Variants in SLC12A1 observed in about 807,000 individuals in gnomAD.
SLC12A1 encodes solute carrier family 12 member 1.
SLC12A1 carries 89 observed loss-of-function variants against 130.4 expected under a neutral mutation model. That is an observed-to-expected ratio of 0.68 (90% confidence interval 0.58 to 0.81). SLC12A1 has a LOEUF of 0.81. SLC12A1 is among the 40% of genes least tolerant of loss of function. The pLI is 0.00. For missense variants in SLC12A1, 1,310 were observed against 1,336.4 expected (o/e 0.98, Z 0.31); for synonymous variants, 499 against 460.0 (o/e 1.08, Z -1.09).
intron 23 of SLC12A1, among the ~76,000 whole-genome samples, chr15:48,290,875 G>C (rs2042112599): frequency 6.6e-6 from 1 of 151,816 alleles, no homozygotes. Flanking sequence ...TATTTTATTG[G>C]GACAATTAGT....
chr15:48,228,502 T>C (rs1484547), intron 5 of SLC12A1: 148,039 of 158,216 alleles, frequency 0.94, 69,754 homozygotes, highest in Non-Finnish European at 0.99. Flanking sequence ...TAATACATCA[T>C]ACTCTATAGA....
In SLC12A1 at chr15:48,242,140, A is replaced by G. The variant is rs749800771; in HGVS notation, c.1300+541A>G. 1.3e-5 allele frequency among the ~76,000 whole-genome samples: 2 copies of G among 152,302 alleles called. 1 individual carries two copies. Among genetic ancestry groups the G allele is most frequent in the Non-Finnish European group, 2.9e-5 (2 of 68,024 alleles). On this transcript the variant is annotated intron_variant, in intron 10 of 26. Transcript: ENST00000380993. ...CTGGCAGTGTAGGTGGCCAGCCCCT[A>G]CATTGTTCAGTGAACAGAAAATATG...
chr15:48,221,143 G>A (rs1374350490), intron 4 of SLC12A1, 147 bp downstream of exon 4: 4 of 817,724 alleles, frequency 4.9e-6, no homozygotes, highest in Admixed American at 4.2e-5. Flanking sequence ...CTTTGACGAT[G>A]TTTGTCAGAA....
At chr15:48,247,558 T>G in intron 13 of SLC12A1, 98 bp downstream of exon 13, 1 of 958,688 alleles carries the variant, frequency 1.0e-6, no homozygotes, top group Non-Finnish European at 1.5e-6. Flanking sequence ...GTTTTATGTT[T>G]AGGATCCCAT....
chr15:48,249,203 C>T (rs2141060978), intron 13 of SLC12A1, among the ~76,000 whole-genome samples: 1 of 152,204 alleles, frequency 6.6e-6, no homozygotes, highest in South Asian at 2.1e-4. Flanking sequence ...TGCTGTTTAA[C>T]TAATATCCTG....
intron 15 of SLC12A1, among the ~76,000 whole-genome samples, chr15:48,255,436 CAAAA>C (rs373793834): frequency 1.5e-4 from 13 of 89,302 alleles, no homozygotes; most frequent in African/African-American, 2.7e-4. Flanking sequence ...AACTCCATCT[CAAAA>C]AAAAAAAAAA....
At chr15:48,226,217 C>A (rs1037035551) in intron 4 of SLC12A1, 2 of 405,036 alleles carry the variant, frequency 4.9e-6, no homozygotes, top group African/African-American at 2.1e-5. Flanking sequence ...CCCAGGACAC[C>A]AGCATAAGTC....
At chr15:48,269,017 A>C (rs2041863075) in intron 18 of SLC12A1, among the ~76,000 whole-genome samples, 1 of 152,174 alleles carries the variant, frequency 6.6e-6, no homozygotes, top group Non-Finnish European at 1.5e-5. Flanking sequence ...GAACCATGGC[A>C]AAAGGACAAG....
intron 21 of SLC12A1, 112 bp from the exon 22 acceptor site, chr15:48,287,931 A>G: frequency 8.4e-7 from 1 of 1,190,488 alleles, no homozygotes; most frequent in Non-Finnish European, 1.1e-6. Context: ...TTTAGGTATA[A>G]TAAACATGAA....
At chr15:48,240,038 T>C (rs1233109263) in intron 9 of SLC12A1, among the ~76,000 whole-genome samples, 1 of 15,476 alleles carries the variant, frequency 6.5e-5, no homozygotes, top group Non-Finnish European at 6.2e-4. Context: ...TCCATATATA[T>C]ATATATATAT....
At chr15:48,241,679 G>C (rs1306885316) in intron 10 of SLC12A1, 80 bp downstream of exon 10, 4 of 951,942 alleles carry the variant, frequency 4.2e-6, no homozygotes, top group Non-Finnish European at 6.8e-6. Context: ...TTTCAATGCA[G>C]CATAAATACA....
At chr15:48,278,172 A>G (rs1407829456) in intron 20 of SLC12A1, among the ~76,000 whole-genome samples, 3 of 152,216 alleles carry the variant, frequency 2.0e-5, no homozygotes, top group Non-Finnish European at 2.9e-5. Context: ...TGAACCCGGG[A>G]GGCGGAGCTT....
chr15:48,268,250 TC>T (rs1482385010), intron 18 of SLC12A1, among the ~76,000 whole-genome samples: 2 of 152,144 alleles, frequency 1.3e-5, no homozygotes, highest in Non-Finnish European at 2.9e-5. Flanking sequence ...ACATCTTTTT[TC>T]CCTTATTTTT....
intron 16 of SLC12A1, among the ~76,000 whole-genome samples, chr15:48,257,495 A>G (rs1011625151): frequency 2.0e-5 from 3 of 152,174 alleles, no homozygotes. Flanking sequence ...ATATCCAGGC[A>G]TTTCCATACA....
intron 9 of SLC12A1, among the ~76,000 whole-genome samples, chr15:48,240,560 C>A (rs928643931): frequency 1.3e-5 from 2 of 152,104 alleles, no homozygotes; most frequent in Non-Finnish European, 2.9e-5. Context: ...TGGACTTTTT[C>A]AGCATATTTA....
chr15:48,249,208 A>ATCC (rs1254793603), intron 13 of SLC12A1, among the ~76,000 whole-genome samples: 1 of 152,126 alleles, frequency 6.6e-6, no homozygotes, highest in Non-Finnish European at 1.5e-5. Flanking sequence ...TTTAACTAAT[A>ATCC]TCCTGCAGAG....
chr15:48,277,524 C>T (rs1444150231), intron 20 of SLC12A1, among the ~76,000 whole-genome samples: 1 of 141,482 alleles, frequency 7.1e-6, no homozygotes, highest in African/African-American at 2.6e-5. Context: ...TGAGAAGAAA[C>T]TAGTAAGCAT....
chr15:48,245,593 C>G (rs1383514429), intron 11 of SLC12A1, among the ~76,000 whole-genome samples: 3 of 152,162 alleles, frequency 2.0e-5, no homozygotes, highest in Non-Finnish European at 4.4e-5. Context: ...CTGCAAAGGA[C>G]ACGATTTTAT....
intron 7 of SLC12A1, among the ~76,000 whole-genome samples, chr15:48,230,979 G>C (rs1268292020): frequency 1.3e-5 from 2 of 152,212 alleles, no homozygotes; most frequent in African/African-American, 2.4e-5. Context: ...AAATCTCTGA[G>C]TTTAACTAGT....
Sources: allele counts gnomAD v4.1 joint callset (sites outside exome capture counted in the v4.1 genomes callset), GRCh38; gene constraint gnomAD v4.1.1; transcripts MANE v1.5; gene names NCBI Gene and HGNC (gene_info 2026-07-23, HGNC 2026-07-21).